The following MAPRE3 variants were observed in gnomAD, a reference collection of about 807,000 sequenced individuals.
The protein encoded by MAPRE3 is microtubule associated protein RP/EB family member 3, also known as microtubule-associated protein RP/EB family member 3.
Under a neutral mutation model 30.5 loss-of-function variants are expected in MAPRE3, and 2 were observed. The ratio of observed to expected loss-of-function variants is 0.07; its 90% CI spans 0.03 to 0.21. The LOEUF (loss-of-function observed/expected upper bound fraction) is 0.21, where lower values mean the gene tolerates loss of function less well. Among genes scored for constraint, MAPRE3 ranks in the 10% least tolerant of loss-of-function variants. MAPRE3 has a pLI of 1.00. For missense variants in MAPRE3, 204 were observed against 351.8 expected (o/e 0.58, Z 3.36); for synonymous variants, 110 against 127.7 (o/e 0.86, Z 0.93).
intron 1 of MAPRE3, among the ~76,000 whole-genome samples, chr2:26,981,939 G>A (rs1053731688): frequency 1.3e-5 from 2 of 152,122 alleles, no homozygotes; most frequent in Non-Finnish European, 2.9e-5. Context: ...ATGCCTCTCT[G>A]GCCTCTGTGA....
At chr2:27,000,922 C>T (rs1666582229) in intron 1 of MAPRE3, among the ~76,000 whole-genome samples, 1 of 152,206 alleles carries the variant, frequency 6.6e-6, no homozygotes, top group South Asian at 2.1e-4. Flanking sequence ...ATTTATCTAC[C>T]TTGTTTTATT....
intron 1 of MAPRE3, among the ~76,000 whole-genome samples, chr2:26,977,506 T>C (rs765527797): frequency 1.1e-4 from 17 of 152,186 alleles, no homozygotes; most frequent in Non-Finnish European, 1.8e-4. Flanking sequence ...TTGGTGTGGA[T>C]GTGCACCTGT....
At chr2:27,019,284 A>AG (rs1040435592) in intron 1 of MAPRE3, among the ~76,000 whole-genome samples, 8 of 144,080 alleles carry the variant, frequency 5.6e-5, no homozygotes, top group Admixed American at 1.4e-4. Context: ...TCTCCCACAG[A>AG]GGGGGTCAGA....
intron 1 of MAPRE3, among the ~76,000 whole-genome samples, chr2:27,020,600 G>T (rs893696524): frequency 6.6e-6 from 1 of 152,160 alleles, no homozygotes; most frequent in Admixed American, 6.5e-5. Flanking sequence ...GGGAGCATAG[G>T]GTCAGAGTGG....
At chr2:26,992,871 T>C (rs1666375302) in intron 1 of MAPRE3, among the ~76,000 whole-genome samples, 2 of 152,228 alleles carry the variant, frequency 1.3e-5, no homozygotes, top group African/African-American at 4.8e-5. Context: ...GGAGTGTTGA[T>C]TCTGTATAAT....
At chr2:26,972,671 G>A (rs978647361) in intron 1 of MAPRE3, among the ~76,000 whole-genome samples, 2 of 152,202 alleles carry the variant, frequency 1.3e-5, no homozygotes, top group African/African-American at 4.8e-5. Flanking sequence ...TGGGCTGAGT[G>A]TATTTTGGGA....
chr2:27,025,516 C>T, intron 4 of MAPRE3, 67 bp from the exon 5 acceptor site: 9 of 1,490,260 alleles, frequency 6.0e-6, no homozygotes, highest in Non-Finnish European at 8.1e-6. Context: ...GTCCTCACAC[C>T]AGGCTGTCTC....
At chr2:27,025,829 G>T (rs751829891) in intron 5 of MAPRE3, 51 bp from the exon 6 acceptor site, 1 of 1,613,676 alleles carries the variant, frequency 6.2e-7, no homozygotes, top group East Asian at 2.2e-5. Context: ...GGCAGGCAGG[G>T]GAACCTGAGG....
At chr2:26,989,481 G>A (rs1379129198) in intron 1 of MAPRE3, among the ~76,000 whole-genome samples, 3 of 152,200 alleles carry the variant, frequency 2.0e-5, no homozygotes, top group Non-Finnish European at 2.9e-5. Flanking sequence ...ACTCATCAGG[G>A]TAGGAAAGTC....
At chr2:27,000,135 C>T (rs1341394075) in intron 1 of MAPRE3, among the ~76,000 whole-genome samples, 1 of 152,104 alleles carries the variant, frequency 6.6e-6, no homozygotes. Context: ...ATATGGATGG[C>T]TGATTTTACA....
At chr2:27,020,881 G>C (rs1226050943) in intron 1 of MAPRE3, among the ~76,000 whole-genome samples, 1 of 152,202 alleles carries the variant, frequency 6.6e-6, no homozygotes, top group Non-Finnish European at 1.5e-5. Context: ...AGGCCTTTTA[G>C]GAGGCTCCTG....
chr2:27,011,169 T>A (rs923145157), intron 1 of MAPRE3, among the ~76,000 whole-genome samples: 109 of 152,252 alleles, frequency 7.2e-4, no homozygotes, highest in African/African-American at 2.2e-3. Flanking sequence ...GCTCTTTTTT[T>A]AAAATAAAAG....
Position 27,023,378 on chromosome 2 carries a change from G to A in MAPRE3, c.168G>A (p.Val56=). The change falls in exon 3 of 7, where the codon GTG becomes GTA. Residue 56 remains valine (V), a synonymous_variant. Coordinates refer to ENST00000233121, the MANE Select transcript of MAPRE3 (RefSeq NM_012326.4). The part of the protein sequence containing the change: ...QFMDMLFPGC[V]HLRKVKFQAK... ...TGGACATGCTCTTCCCCGGCTGTGT[G>A]CACTTGAGGAAAGTGAAGTTCCAGG... 1 of 1,613,052 alleles carries A rather than the reference G, an allele frequency of 6.2e-7. No individual in the cohort carries two copies. Among genetic ancestry groups the A allele is most frequent in the Non-Finnish European group, 8.5e-7 (1 of 1,179,082 alleles).
At chr2:27,026,255 C>G in intron 6 of MAPRE3, 25 bp from the exon 7 acceptor site, 1 of 1,603,020 alleles carries the variant, frequency 6.2e-7, no homozygotes, top group Non-Finnish European at 8.5e-7. Flanking sequence ...TGGCCCACCA[C>G]TTTCCTCTCT....
chr2:27,003,314 A>G (rs979237232), intron 1 of MAPRE3, among the ~76,000 whole-genome samples: 3 of 152,194 alleles, frequency 2.0e-5, no homozygotes, highest in Non-Finnish European at 2.9e-5. Context: ...CCAAATGAGC[A>G]AGACAGGCTG....
Position 27,026,606 on chromosome 2 carries a change from G to A in MAPRE3, c.*258G>A, listed in dbSNP as rs543538691. 24 of 425,566 alleles carry A rather than the reference G, an allele frequency of 5.6e-5. No homozygotes were observed. Among genetic ancestry groups the A allele is most frequent in the East Asian group, 2.7e-4 (7 of 25,628 alleles). 26.4% of individuals were successfully genotyped at this position (425,566 alleles called of 1,614,324 possible). ...ATTTCCGTTGTCTCTCTGCTGTGTC[G>A]CCCAACACTTCCCAGGGTGCTGCTG... On this transcript the variant is annotated 3_prime_UTR_variant, in exon 7 of 7. Transcript: ENST00000233121.
intron 1 of MAPRE3, among the ~76,000 whole-genome samples, chr2:27,008,165 T>A (rs996367729): frequency 3.3e-5 from 5 of 152,238 alleles, no homozygotes; most frequent in Non-Finnish European, 7.3e-5. Flanking sequence ...CTAAAGTGCC[T>A]CTCAAACAAT....
chr2:26,993,303 G>A (rs542316005), intron 1 of MAPRE3, among the ~76,000 whole-genome samples: 1 of 152,272 alleles, frequency 6.6e-6, no homozygotes, highest in South Asian at 2.1e-4. Context: ...CCAGGAGGTG[G>A]AGATTGCAGT....
At chr2:27,002,576 C>G (rs1288148082) in intron 1 of MAPRE3, among the ~76,000 whole-genome samples, 1 of 152,076 alleles carries the variant, frequency 6.6e-6, no homozygotes, top group Non-Finnish European at 1.5e-5. Context: ...GTGGGTTTAA[C>G]TTTGTATTAG....
Sources: gnomAD v4.1 joint callset for allele counts (sites outside exome capture counted in the v4.1 genomes callset) on GRCh38, gnomAD v4.1.1 for gene constraint, MANE v1.5 for transcripts, NCBI Gene and HGNC (gene_info 2026-07-23, HGNC 2026-07-21) for gene names.